Variants in XDH observed in about 807,000 individuals in gnomAD.
XDH encodes xanthine dehydrogenase/oxidase.
Under a neutral mutation model 156.1 loss-of-function variants are expected in XDH, and 138 were observed. That is an observed-to-expected ratio of 0.88 (90% CI 0.77 to 1.02). The LOEUF (loss-of-function observed/expected upper bound fraction) is 1.02, where lower values mean the gene tolerates loss of function less well. XDH is among the 50% of genes least tolerant of loss of function. The pLI, the probability that XDH is intolerant of heterozygous loss-of-function variation, is 0.00. For synonymous variants in XDH, 669 were observed against 625.7 expected (o/e 1.07, Z -1.03); for missense variants, 1,849 against 1,684.9 (o/e 1.10, Z -1.71).
At chr2:31,356,288 A>G (rs1161242197) in intron 24 of XDH, among the ~76,000 whole-genome samples, 1 of 152,234 alleles carries the variant, frequency 6.6e-6, no homozygotes, top group East Asian at 1.9e-4. Flanking sequence ...TTTATAGCAC[A>G]TTATACATGT....
rs367710339 is a variant in XDH, at chr2:31,349,699, C to T, written c.2956G>A (p.Asp986Asn). 6.8e-6 allele frequency: 11 copies of T among 1,614,132 alleles called. No homozygotes were observed. In the African/African-American group the frequency reaches 1.3e-4, roughly 20 times the overall value. ...CCTAGTGCTTACTTGTTGAACTTGT[C>T]AACCTCACTCTTCCGAGCATGATAC... is the stretch of plus-strand genomic sequence containing the variant. ...SQYHARKSEV[D>N]KFNKENCWKK... The change falls in exon 26 of 36, where the codon GAC (aspartate) becomes AAC (asparagine). Residue 986 changes from aspartate (D) to asparagine (N), a missense_variant. Asp to Asn is a conservative substitution (Grantham distance 23, BLOSUM62 1). Coordinates refer to ENST00000379416, the MANE Select transcript of XDH (RefSeq NM_000379.4).
chr2:31,380,390 C>T (rs1389614704), intron 12 of XDH, among the ~76,000 whole-genome samples: 1 of 152,150 alleles, frequency 6.6e-6, no homozygotes, highest in African/African-American at 2.4e-5. Context: ...GAAGGGTTCC[C>T]AGTGCTCCAT....
Position 31,335,624 on chromosome 2 carries a change from G to A in XDH, c.*334C>T. 1 of 429,284 alleles carries A rather than the reference G, an allele frequency of 2.3e-6. No individual in the cohort carries two copies. Among genetic ancestry groups the A allele is most frequent in the Non-Finnish European group, 4.4e-6 (1 of 229,820 alleles). 26.6% of individuals were successfully genotyped at this position (429,284 alleles called of 1,614,324 possible). A position where few individuals can be genotyped will look rare whatever the true frequency, so the allele number is the denominator to read the frequency against. On this transcript the variant is annotated 3_prime_UTR_variant, in exon 36 of 36. Transcript: ENST00000379416. The stretch of plus-strand genomic sequence containing the variant: ...CCTCTTCAAAGGACAGACACCATCA[G>A]AACTTGAGGTTATACAGGCTGTCCA...
chr2:31,369,846 A>G lies in XDH; in HGVS notation c.1980+509T>C, dbSNP rs375241310. On this transcript the variant is annotated intron_variant, in intron 18 of 35. Coordinates refer to ENST00000379416, the MANE Select transcript of XDH (RefSeq NM_000379.4). The stretch of plus-strand genomic sequence containing the variant: ...ACATTGGATGTCTATTGGAATTACA[A>G]AATGACTGTCGAGAACTATCCTATG... Among the ~76,000 whole-genome samples, 4 of 152,252 alleles carry G rather than the reference A, an allele frequency of 2.6e-5. No individual in the cohort carries two copies. In the East Asian group the frequency reaches 5.8e-4, roughly 22 times the overall value.
chr2:31,403,356 C>T (rs142704894), intron 2 of XDH, among the ~76,000 whole-genome samples: 1 of 152,292 alleles, frequency 6.6e-6, no homozygotes, highest in African/African-American at 2.4e-5. Flanking sequence ...CTCCACTGCA[C>T]AGAAGAGCAA....
At chr2:31,355,388 C>CTTTTA (rs1685596842) in intron 24 of XDH, among the ~76,000 whole-genome samples, 1 of 152,056 alleles carries the variant, frequency 6.6e-6, no homozygotes, top group Non-Finnish European at 1.5e-5. Flanking sequence ...AGCTTTTCTT[C>CTTTTA]TCAGTTTTTA....
intron 31 of XDH, among the ~76,000 whole-genome samples, chr2:31,342,555 T>C (rs1301993922): frequency 3.3e-5 from 5 of 152,196 alleles, no homozygotes; most frequent in Non-Finnish European, 7.3e-5. Flanking sequence ...CAGTGTTTAG[T>C]ACCATGCTAG....
Position 31,405,880 on chromosome 2 carries a change from G to A in XDH, c.100+27C>T, listed in dbSNP as rs206801. On this transcript the variant is annotated intron_variant, in intron 2 of 35. Coordinates refer to ENST00000379416, the MANE Select transcript of XDH (RefSeq NM_000379.4). ...TCAGTCACCATTGCCCCCCTTCTCC[G>A]TCACTCCCACTCCAAAGTCAGGATA... 70,814 of 1,613,112 alleles carry A rather than the reference G, an allele frequency of 0.044. 2,168 individuals carry two copies. The highest frequency in any genetic ancestry group is 0.12 in the African/African-American group (9,342 of 74,892).
Position 31,377,750 on chromosome 2 carries a change from C to T in XDH, c.1243-513G>A, listed in dbSNP as rs973953554. Among the ~76,000 whole-genome samples, 9 of 151,768 alleles carry T rather than the reference C, an allele frequency of 5.9e-5. No homozygotes were observed. The East Asian group carries it at 9.7e-4, about 16-fold the overall frequency. On this transcript the variant is annotated intron_variant, in intron 13 of 35. Transcript: ENST00000379416. ...GTTCAGAAATCTTGGTGAAAGAACC[C>T]GGGCACAGTGGCTCACGTCTGTAAT...
intron 35 of XDH, among the ~76,000 whole-genome samples, chr2:31,337,227 T>C (rs757000050): frequency 1.4e-4 from 21 of 152,202 alleles, no homozygotes; most frequent in Admixed American, 2.6e-4. Context: ...TAATTAATTA[T>C]TTCCTCTTTT....
At chr2:31,377,368 C>T in intron 13 of XDH, 131 bp from the exon 14 acceptor site, 1 of 968,652 alleles carries the variant, frequency 1.0e-6, no homozygotes, top group Non-Finnish European at 1.6e-6. Context: ...TGAACTGGCC[C>T]CGGGAATCAA....
At chr2:31,346,016 G>C (rs1255754351) in intron 30 of XDH, among the ~76,000 whole-genome samples, 1 of 152,194 alleles carries the variant, frequency 6.6e-6, no homozygotes, top group African/African-American at 2.4e-5. Flanking sequence ...GAGAAAAATG[G>C]CATGTTTTCT....
chr2:31,364,275 C>T (rs1295679746), intron 23 of XDH, 31 bp from the exon 24 acceptor site: 3 of 1,604,646 alleles, frequency 1.9e-6, no homozygotes, highest in Non-Finnish European at 2.6e-6. Context: ...AGGGATTTAT[C>T]ATAAGTCCCG....
intron 32 of XDH, among the ~76,000 whole-genome samples, chr2:31,341,773 C>T (rs2148750094): frequency 6.6e-6 from 1 of 152,242 alleles, no homozygotes; most frequent in East Asian, 1.9e-4. Flanking sequence ...ATCCAACTTG[C>T]CCCTGTTTTC....
At chr2:31,347,383 C>T in intron 29 of XDH, 139 bp downstream of exon 29, 1 of 1,296,448 alleles carries the variant, frequency 7.7e-7, no homozygotes, top group Non-Finnish European at 1.1e-6. Flanking sequence ...AAACAGCATC[C>T]TCCTGGATAA....
rs200684126 is a variant in XDH at position 31,347,516 on chromosome 2, C to T, written c.3276+6G>A. The T allele has an allele frequency of 4.3e-6, 7 of 1,613,630 alleles. No individual in the cohort carries two copies. The Admixed American group carries it at 8.3e-5, about 19-fold the overall frequency. ...TCTGCTCTGCGGGATCCCATGGGCT[C>T]CTTACATAGACGGCCTGTCCATTGA... is the stretch of plus-strand genomic sequence containing the variant. On this transcript the variant is annotated splice_donor_region_variant and intron_variant, in intron 29 of 35. Coordinates refer to ENST00000379416, the MANE Select transcript of XDH (RefSeq NM_000379.4).
chr2:31,359,781 G>A (rs111687415), intron 24 of XDH, among the ~76,000 whole-genome samples: 2,217 of 152,198 alleles, frequency 0.015, 55 homozygotes, highest in African/African-American at 0.051. Context: ...ATCAATATTC[G>A]GATTAGGATA....
intron 24 of XDH, among the ~76,000 whole-genome samples, chr2:31,354,797 A>G (rs1461641532): frequency 6.6e-6 from 1 of 152,208 alleles, no homozygotes; most frequent in Non-Finnish European, 1.5e-5. Context: ...TGGGACTATA[A>G]CAAAAGACCT....
chr2:31,352,205 T>G (rs1685501771), intron 24 of XDH, among the ~76,000 whole-genome samples: 1 of 152,176 alleles, frequency 6.6e-6, no homozygotes, highest in Non-Finnish European at 1.5e-5. Flanking sequence ...ATTTGTCAAG[T>G]TTCTTTGAAC....
Sources: gnomAD v4.1 joint callset for allele counts (sites outside exome capture counted in the v4.1 genomes callset) on GRCh38, gnomAD v4.1.1 for gene constraint, MANE v1.5 for transcripts, NCBI Gene and HGNC (gene_info 2026-07-23, HGNC 2026-07-21) for gene names.